The following ERC2 variants were observed in gnomAD, a reference collection of about 807,000 sequenced individuals.
ERC2 encodes the protein ERC protein 2.
ERC2 carries 42 observed loss-of-function variants against 114.8 expected under a neutral mutation model. That is an observed-to-expected ratio of 0.37 (90% CI 0.29 to 0.47). The LOEUF is 0.47. Among genes scored for constraint, ERC2 ranks in the 20% least tolerant of loss-of-function variants. The pLI is 0.99. For missense variants in ERC2, 939 were observed against 1,150.7 expected, an observed-to-expected ratio of 0.82 and a Z score of 2.66; for synonymous variants, 454 against 425.5, an observed-to-expected ratio of 1.07 and a Z score of -0.82.
At chr3:55,860,756 C>G (rs1275756505) in intron 14 of ERC2, among the ~76,000 whole-genome samples, 1 of 152,198 alleles carries the variant, frequency 6.6e-6, no homozygotes, top group African/African-American at 2.4e-5. Flanking sequence ...TGCCAAAATC[C>G]TGAGGGCTTC....
intron 6 of ERC2, among the ~76,000 whole-genome samples, chr3:56,115,480 T>A (rs943590915): frequency 6.6e-6 from 1 of 152,080 alleles, no homozygotes; most frequent in Non-Finnish European, 1.5e-5. Context: ...AAAGGGCTTA[T>A]CACAGGTAAC....
intron 17 of ERC2, among the ~76,000 whole-genome samples, chr3:55,630,550 G>A (rs980846174): frequency 1.3e-5 from 2 of 152,170 alleles, no homozygotes; most frequent in Non-Finnish European, 2.9e-5. Flanking sequence ...AGATTACACT[G>A]GTACTTTTTG....
At chr3:56,277,175 G>T (rs985328153) in intron 3 of ERC2, among the ~76,000 whole-genome samples, 1 of 152,156 alleles carries the variant, frequency 6.6e-6, no homozygotes, top group African/African-American at 2.4e-5. Context: ...CGCCCTTGAT[G>T]GCCCTGTTTT....
intron 2 of ERC2, among the ~76,000 whole-genome samples, chr3:56,379,746 G>A (rs1490872385): frequency 1.3e-5 from 2 of 152,190 alleles, no homozygotes; most frequent in Non-Finnish European, 2.9e-5. Context: ...GCCTGCGACA[G>A]AAATCTAGGC....
chr3:56,262,875 T>C (rs1197559150), intron 3 of ERC2, among the ~76,000 whole-genome samples: 1 of 152,242 alleles, frequency 6.6e-6, no homozygotes, highest in Non-Finnish European at 1.5e-5. Context: ...ATGAATTCCC[T>C]GTAACAATTT....
At chr3:56,061,237 C>T (rs974608357) in intron 7 of ERC2, among the ~76,000 whole-genome samples, 1 of 152,170 alleles carries the variant, frequency 6.6e-6, no homozygotes, top group African/African-American at 2.4e-5. Context: ...AAATTAGTGC[C>T]TCCTGTGCTC....
chr3:55,727,369 A>T (rs894369823), intron 15 of ERC2, among the ~76,000 whole-genome samples: 3 of 152,222 alleles, frequency 2.0e-5, no homozygotes, highest in African/African-American at 7.2e-5. Context: ...TATCAGAGGT[A>T]TGTGCCTGTA....
chr3:55,749,328 T>C (rs1260680288), intron 14 of ERC2, among the ~76,000 whole-genome samples: 1 of 152,162 alleles, frequency 6.6e-6, no homozygotes, highest in Admixed American at 6.5e-5. Context: ...CCAGCTCCAC[T>C]GACCAACAAC....
chr3:56,347,153 C>T (rs1309706915), intron 2 of ERC2, among the ~76,000 whole-genome samples: 1 of 152,170 alleles, frequency 6.6e-6, no homozygotes, highest in Non-Finnish European at 1.5e-5. Flanking sequence ...AAGAACCAAA[C>T]TCTGCTAAAT....
intron 17 of ERC2, among the ~76,000 whole-genome samples, chr3:55,681,873 C>T (rs2062071176): frequency 1.3e-5 from 2 of 152,298 alleles, no homozygotes; most frequent in South Asian, 2.1e-4. Flanking sequence ...GTTCATATCT[C>T]AGGGTGTCAT....
chr3:56,266,090 TTCAACAGAA>T (rs2053280528), intron 3 of ERC2, among the ~76,000 whole-genome samples: 1 of 143,808 alleles, frequency 7.0e-6, no homozygotes, highest in African/African-American at 2.5e-5. Context: ...TAAAATAAAA[TTCAACAGAA>T]AAAATACAAA....
At chr3:56,201,165 C>G (rs1214634888) in intron 3 of ERC2, among the ~76,000 whole-genome samples, 2 of 152,116 alleles carry the variant, frequency 1.3e-5, no homozygotes, top group Admixed American at 1.3e-4. Context: ...TACCATCTCC[C>G]TAACATCTGA....
At chr3:56,260,783 G>A (rs1275186574) in intron 3 of ERC2, among the ~76,000 whole-genome samples, 1 of 152,126 alleles carries the variant, frequency 6.6e-6, no homozygotes, top group African/African-American at 2.4e-5. Flanking sequence ...TCACTTTCTT[G>A]CTGAAACCCA....
chr3:55,958,825 T>C (rs2068156472), intron 12 of ERC2, among the ~76,000 whole-genome samples: 1 of 152,192 alleles, frequency 6.6e-6, no homozygotes, highest in South Asian at 2.1e-4. Context: ...GAACAGGCAC[T>C]TCTGAGCCTG....
intron 17 of ERC2, among the ~76,000 whole-genome samples, chr3:55,521,912 G>A (rs1391869160): frequency 6.6e-6 from 1 of 152,222 alleles, no homozygotes; most frequent in Non-Finnish European, 1.5e-5. Flanking sequence ...AACAGCTAAT[G>A]CAGCAAGTTC....
chr3:55,701,966 A>T (rs1156526003), intron 15 of ERC2, among the ~76,000 whole-genome samples: 1 of 152,220 alleles, frequency 6.6e-6, no homozygotes, highest in Non-Finnish European at 1.5e-5. Context: ...TGAAGGATGG[A>T]GCCTAAATGA....
intron 12 of ERC2, among the ~76,000 whole-genome samples, chr3:55,970,079 G>A (rs888072609): frequency 6.6e-6 from 1 of 152,132 alleles, no homozygotes; most frequent in Non-Finnish European, 1.5e-5. Context: ...GTGTGTTGCA[G>A]GAGCATATAT....
At chr3:56,259,679 G>GAT (rs2052781819) in intron 3 of ERC2, among the ~76,000 whole-genome samples, 1 of 151,598 alleles carries the variant, frequency 6.6e-6, no homozygotes, top group African/African-American at 2.4e-5. Context: ...GATATGATAT[G>GAT]ATATGATATG....
intron 17 of ERC2, among the ~76,000 whole-genome samples, chr3:55,670,816 C>T (rs2061526491): frequency 6.6e-6 from 1 of 152,264 alleles, no homozygotes; most frequent in East Asian, 1.9e-4. Flanking sequence ...TGGGTTTTAC[C>T]TTTTTCAACA....
Sources: allele counts gnomAD v4.1 joint callset (sites outside exome capture counted in the v4.1 genomes callset), GRCh38; gene constraint gnomAD v4.1.1; transcripts MANE v1.5; gene names NCBI Gene and HGNC (gene_info 2026-07-23, HGNC 2026-07-21).